Variants in ZEB1 observed in about 807,000 individuals in gnomAD.
ZEB1 encodes the protein zinc finger E-box-binding homeobox 1.
In ZEB1, 21 loss-of-function variants were observed where a neutral mutation model predicts 84.9. That is an observed-to-expected ratio of 0.25 (90% CI 0.18 to 0.36). ZEB1 has a LOEUF of 0.36. Among genes scored for constraint, ZEB1 ranks in the 10% least tolerant of loss-of-function variants. ZEB1 has a pLI of 1.00. For synonymous variants in ZEB1, 420 were observed against 471.1 expected, an observed-to-expected ratio of 0.89 and a Z score of 1.41; for missense variants, 1,104 against 1,330.2, an observed-to-expected ratio of 0.83 and a Z score of 2.65.
intron 1 of ZEB1, among the ~76,000 whole-genome samples, chr10:31,365,848 G>A (rs1218325686): frequency 2.6e-5 from 4 of 152,140 alleles, no homozygotes; most frequent in East Asian, 1.9e-4. Context: ...CAGCTATATC[G>A]AAATACATTT....
chr10:31,345,170 A>G (rs1161399742), intron 1 of ZEB1, among the ~76,000 whole-genome samples: 2 of 152,038 alleles, frequency 1.3e-5, no homozygotes, highest in African/African-American at 4.8e-5. Flanking sequence ...TCACTAAACC[A>G]TTTATGTACT....
At chr10:31,335,604 G>A (rs1291690241) in intron 1 of ZEB1, among the ~76,000 whole-genome samples, 1 of 152,084 alleles carries the variant, frequency 6.6e-6, no homozygotes, top group Non-Finnish European at 1.5e-5. Context: ...AAATGAGAAG[G>A]CCCCTTTCTT....
intron 2 of ZEB1, among the ~76,000 whole-genome samples, chr10:31,476,072 CAAAGT>C (rs1445710731): frequency 1.1e-4 from 17 of 151,766 alleles, no homozygotes; most frequent in Middle Eastern, 3.4e-3. Context: ...ACTACAGACT[CAAAGT>C]AAAGGGACTA....
chr10:31,362,589 C>A (rs1194334035), intron 1 of ZEB1, among the ~76,000 whole-genome samples: 1 of 151,374 alleles, frequency 6.6e-6, no homozygotes, highest in African/African-American at 2.4e-5. Context: ...AGGCTCTTGT[C>A]GCTTCCCAGA....
intron 1 of ZEB1, chr10:31,319,529 C>T (rs2033132119): frequency 1.9e-6 from 1 of 534,894 alleles, no homozygotes; most frequent in East Asian, 3.3e-5. Context: ...TCTCTCTCCG[C>T]CTAGCGGCTC....
At chr10:31,440,461 GC>G (rs2058794538) in intron 1 of ZEB1, among the ~76,000 whole-genome samples, 1 of 152,154 alleles carries the variant, frequency 6.6e-6, no homozygotes, top group Admixed American at 6.5e-5. Context: ...TACTGAATGG[GC>G]AAAAATTGGG....
chr10:31,367,151 T>C (rs2044678926), intron 1 of ZEB1, among the ~76,000 whole-genome samples: 1 of 152,156 alleles, frequency 6.6e-6, no homozygotes, highest in Non-Finnish European at 1.5e-5. Context: ...TGTGTGTATT[T>C]TAGAGGAGGA....
At chr10:31,443,024 G>T (rs2059224941) in intron 1 of ZEB1, among the ~76,000 whole-genome samples, 1 of 152,200 alleles carries the variant, frequency 6.6e-6, no homozygotes, top group African/African-American at 2.4e-5. Flanking sequence ...ATCAAGGTAA[G>T]AGATTAGCCA....
intron 2 of ZEB1, among the ~76,000 whole-genome samples, chr10:31,475,442 G>T (rs951053273): frequency 1.3e-5 from 2 of 152,102 alleles, no homozygotes; most frequent in African/African-American, 4.8e-5. Context: ...AAGAAATTCA[G>T]AGAGCACCTG....
chr10:31,382,610 G>A (rs2047893614), intron 1 of ZEB1, among the ~76,000 whole-genome samples: 1 of 151,792 alleles, frequency 6.6e-6, no homozygotes, highest in African/African-American at 2.4e-5. Flanking sequence ...ACAACCATAG[G>A]AATAAAAAAG....
intron 1 of ZEB1, among the ~76,000 whole-genome samples, chr10:31,349,146 C>T (rs1437698871): frequency 2.6e-5 from 4 of 152,168 alleles, no homozygotes; most frequent in Non-Finnish European, 5.9e-5. Flanking sequence ...GTTTTAGATT[C>T]CACGTATAAG....
chr10:31,385,650 C>T (rs114167062), intron 1 of ZEB1, among the ~76,000 whole-genome samples: 2 of 152,114 alleles, frequency 1.3e-5, no homozygotes, highest in South Asian at 4.1e-4. Flanking sequence ...CCTTAGCCCC[C>T]CCAAGTAACT....
At chr10:31,363,166 AC>A (rs1564594922) in intron 1 of ZEB1, 1 of 1,533,894 alleles carries the variant, frequency 6.5e-7, no homozygotes, top group South Asian at 1.2e-5. Flanking sequence ...GTCCTCCCCC[AC>A]CATCAGCAAG....
chr10:31,442,901 G>C (rs1347493788), intron 1 of ZEB1, among the ~76,000 whole-genome samples: 3 of 152,150 alleles, frequency 2.0e-5, no homozygotes, highest in African/African-American at 7.2e-5. Flanking sequence ...TGTAATTGGA[G>C]TAATTTAAGA....
chr10:31,361,207 G>A (rs2043009403), intron 1 of ZEB1: 26 of 1,611,326 alleles, frequency 1.6e-5, no homozygotes, highest in South Asian at 1.1e-4. Context: ...CTACAACATC[G>A]TTTCAGGACG....
chr10:31,475,395 A>G (rs1014267488), intron 2 of ZEB1, among the ~76,000 whole-genome samples: 3 of 152,092 alleles, frequency 2.0e-5, no homozygotes. Context: ...ATTTAGGAAA[A>G]TCACCCAATC....
At chr10:31,455,293 C>T (rs1364342793) in intron 1 of ZEB1, among the ~76,000 whole-genome samples, 1 of 152,174 alleles carries the variant, frequency 6.6e-6, no homozygotes, top group Non-Finnish European at 1.5e-5. Flanking sequence ...AACGTAAGAC[C>T]TAAAACCATG....
intron 2 of ZEB1, among the ~76,000 whole-genome samples, chr10:31,473,163 C>G (rs1176894505): frequency 1.8e-4 from 27 of 150,968 alleles, no homozygotes; most frequent in African/African-American, 6.6e-4. Flanking sequence ...CAGGGATGCC[C>G]TCTCTCACCA....
chr10:31,514,513 C>G lies in ZEB1; in HGVS notation c.688-90C>G, dbSNP rs74462327. Reference sequence around the variant, plus strand: ...GAAACAAAACAAAACAACCATCAGGCTCACAAAAATGTCACTCTTAGTAGA... The same window carrying G: ...GAAACAAAACAAAACAACCATCAGGGTCACAAAAATGTCACTCTTAGTAGA... On this transcript the variant is annotated intron_variant, in intron 5 of 8. Transcript: ENST00000424869. The G allele has an allele frequency of 3.6e-4, 411 of 1,152,432 alleles. No homozygotes were observed. In the African/African-American group the frequency reaches 5.7e-3, roughly 16 times the overall value. The allele number at this position is 1,152,432 out of a possible 1,614,324, so 71.4% of individuals were successfully genotyped here. A position where few individuals can be genotyped will look rare whatever the true frequency, so the allele number is the denominator to read the frequency against.
Sources: gnomAD v4.1 joint callset for allele counts (sites outside exome capture counted in the v4.1 genomes callset) on GRCh38, gnomAD v4.1.1 for gene constraint, MANE v1.5 for transcripts, NCBI Gene and HGNC (gene_info 2026-07-23, HGNC 2026-07-21) for gene names.